ARMH4: variants seen among roughly 807,000 people sequenced by gnomAD.
ARMH4 encodes armadillo like helical domain containing 4.
ARMH4 carries 49 observed loss-of-function variants against 61.9 expected under a neutral mutation model. The ratio of observed to expected loss-of-function variants is 0.79; its 90% CI spans 0.63 to 1.00. The LOEUF (loss-of-function observed/expected upper bound fraction) is 1.00. Among genes scored for constraint, ARMH4 ranks in the 50% least tolerant of loss-of-function variants. The pLI, the probability that ARMH4 is intolerant of heterozygous loss-of-function variation, is 0.00. For missense variants in ARMH4, 934 were observed against 930.0 expected (o/e 1.00, Z -0.06); for synonymous variants, 368 against 341.5 (o/e 1.08, Z -0.85).
At chr14:58,075,622 G>A (rs979375072) in intron 5 of ARMH4, among the ~76,000 whole-genome samples, 1 of 152,108 alleles carries the variant, frequency 6.6e-6, no homozygotes, top group East Asian at 1.9e-4. Flanking sequence ...GACTAGGGGA[G>A]GGATAGCATT....
chr14:58,081,203 C>T (rs1885214500), intron 5 of ARMH4, among the ~76,000 whole-genome samples: 1 of 152,162 alleles, frequency 6.6e-6, no homozygotes, highest in East Asian at 1.9e-4. Context: ...GCCCCTTGCC[C>T]CTCAAAGCGT....
intron 5 of ARMH4, among the ~76,000 whole-genome samples, chr14:58,092,088 T>C (rs1384957543): frequency 6.6e-6 from 1 of 152,196 alleles, no homozygotes; most frequent in African/African-American, 2.4e-5. Context: ...GAGACTATAA[T>C]CTATTCCAAG....
At chr14:58,030,333 C>T (rs1883183439) in intron 5 of ARMH4, among the ~76,000 whole-genome samples, 2 of 152,320 alleles carry the variant, frequency 1.3e-5, no homozygotes, top group South Asian at 4.2e-4. Flanking sequence ...AGTCCTCTTA[C>T]TGAAACAATT....
chr14:58,133,304 C>T lies in ARMH4; in HGVS notation c.1407G>A (p.Glu469=). Residue 469 remains glutamate (E), a synonymous_variant, in exon 3 of 8, where the codon GAG becomes GAA. Transcript: ENST00000267485. ...ITQEMTTAVQ[E]PDATLSMVTQ... is the part of the protein sequence containing the mutation. ...TCACCATGGATAAAGTGGCATCTGGCTCTTGAACAGCTGTTGTCATCTCTT... is the reference window on the plus strand; with the variant it reads ...TCACCATGGATAAAGTGGCATCTGGTTCTTGAACAGCTGTTGTCATCTCTT... The T allele has an allele frequency of 6.2e-7, 1 of 1,613,722 alleles. No homozygotes were observed. Among genetic ancestry groups the T allele is most frequent in the Non-Finnish European group, 8.5e-7 (1 of 1,179,994 alleles).
chr14:58,096,742 G>C lies in ARMH4; in HGVS notation c.2071C>G (p.Gln691Glu), dbSNP rs754329587. ...CTCTTACCCAGGCCTTGATTCTGCT[G>C]TTCCCACTCGAGGGCATCTGGCACC... ...YQVPDALEWE[Q>E]QNQGLVRSWM... The change falls in exon 5 of 8, where the codon CAG becomes GAG. Residue 691 changes from glutamine to glutamate, a missense_variant. Transcript: ENST00000267485. 4 of 1,614,030 alleles carry C rather than the reference G, an allele frequency of 2.5e-6. No homozygotes were observed. Among genetic ancestry groups the C allele is most frequent in the Non-Finnish European group, 3.4e-6 (4 of 1,179,992 alleles).
At chr14:58,062,252 G>C (rs948233313) in intron 5 of ARMH4, among the ~76,000 whole-genome samples, 2 of 152,094 alleles carry the variant, frequency 1.3e-5, no homozygotes, top group African/African-American at 4.8e-5. Context: ...GAGGTAGGAG[G>C]AACACAAGCA....
intron 5 of ARMH4, among the ~76,000 whole-genome samples, chr14:58,044,870 G>A (rs1164400842): frequency 2.1e-4 from 32 of 152,112 alleles, no homozygotes; most frequent in Middle Eastern, 3.2e-3. Context: ...AATGCTCATC[G>A]TCACTGGCCA....
rs1227094450 is a variant in ARMH4 at position 58,004,013 on chromosome 14, C to T, written c.*723G>A. 6.6e-6 allele frequency: 1 copy of T among 152,152 alleles called. No homozygotes were observed. The highest frequency in any genetic ancestry group is 2.4e-5 in the African/African-American group (1 of 41,418). The allele number at this position is 152,152 out of a possible 1,614,324, so 9.4% of individuals were successfully genotyped here. ...ACATGTATGACATGTATGATTGAGT[C>T]TGTTGGACTCAATCACACTATTTAA... On this transcript the variant is annotated 3_prime_UTR_variant, in exon 8 of 8. Coordinates refer to ENST00000267485, the MANE Select transcript of ARMH4 (RefSeq NM_001001872.4).
chr14:58,018,699 T>C (rs146267645), intron 5 of ARMH4, among the ~76,000 whole-genome samples: 129 of 152,346 alleles, frequency 8.5e-4, no homozygotes, highest in African/African-American at 2.9e-3. Context: ...ACAGCCATTA[T>C]AGAAAACAGT....
At chr14:58,094,529 A>G (rs1283836245) in intron 5 of ARMH4, among the ~76,000 whole-genome samples, 1 of 152,142 alleles carries the variant, frequency 6.6e-6, no homozygotes, top group Non-Finnish European at 1.5e-5. Context: ...CATACAATTG[A>G]ATACTAGTCA....
chr14:58,047,055 C>T (rs1883968672), intron 5 of ARMH4, among the ~76,000 whole-genome samples: 1 of 152,152 alleles, frequency 6.6e-6, no homozygotes, highest in African/African-American at 2.4e-5. Flanking sequence ...ATTACATGTA[C>T]TGGAAGAGAC....
At chr14:58,133,044 AAG>A (rs772401630) in intron 3 of ARMH4, 44 bp downstream of exon 3, 1 of 1,605,464 alleles carries the variant, frequency 6.2e-7, no homozygotes, top group South Asian at 1.1e-5. Context: ...CACTTAACAG[AAG>A]AGATCCACCC....
chr14:58,134,681 G>C (rs890516407), intron 2 of ARMH4, among the ~76,000 whole-genome samples: 2 of 152,076 alleles, frequency 1.3e-5, no homozygotes, highest in Non-Finnish European at 2.9e-5. Flanking sequence ...GACAGGCCAG[G>C]CACGGTGGCT....
At position 58,047,376 on chromosome 14, in the gene ARMH4, T is replaced by C. The variant is rs79408262; in HGVS notation, c.2090-35226A>G. Among the ~76,000 whole-genome samples the C allele has an allele frequency of 2.0e-5, 3 of 152,208 alleles. No individual in the cohort carries two copies. The South Asian group carries it at 6.2e-4, about 32-fold the overall frequency. On this transcript the variant is annotated intron_variant, in intron 5 of 7. Coordinates refer to ENST00000267485, the MANE Select transcript of ARMH4 (RefSeq NM_001001872.4). ...CTTATTGCTGGCAGTCAGAGTTTAG[T>C]GAATGTGGATTTTAATGTCTTAGTA...
At chr14:58,121,952 AC>A (rs1260959456) in intron 4 of ARMH4, among the ~76,000 whole-genome samples, 1 of 152,194 alleles carries the variant, frequency 6.6e-6, no homozygotes. Context: ...GGGGAGAAAG[AC>A]CCAGCATTGA....
intron 4 of ARMH4, among the ~76,000 whole-genome samples, chr14:58,097,737 G>T (rs1258861085): frequency 4.1e-5 from 6 of 148,070 alleles, no homozygotes; most frequent in African/African-American, 1.5e-4. Context: ...ACGGAGTCTT[G>T]CTCTGTCACC....
chr14:58,045,223 T>C (rs1277546179), intron 5 of ARMH4, among the ~76,000 whole-genome samples: 1 of 152,120 alleles, frequency 6.6e-6, no homozygotes, highest in Non-Finnish European at 1.5e-5. Context: ...AAATGTCCAA[T>C]AATGATAGAC....
chr14:58,117,027 C>T (rs769881380), intron 4 of ARMH4, among the ~76,000 whole-genome samples: 1 of 152,182 alleles, frequency 6.6e-6, no homozygotes, highest in Non-Finnish European at 1.5e-5. Context: ...CCACAGCTCA[C>T]TGCAGTCTTG....
intron 5 of ARMH4, among the ~76,000 whole-genome samples, chr14:58,017,839 A>C (rs553079821): frequency 6.6e-5 from 10 of 152,294 alleles, no homozygotes; most frequent in South Asian, 2.1e-4. Context: ...ACAACAACAA[A>C]AAAAAACAAA....
Sources: gnomAD v4.1 joint callset for allele counts (sites outside exome capture counted in the v4.1 genomes callset) on GRCh38, gnomAD v4.1.1 for gene constraint, MANE v1.5 for transcripts, NCBI Gene and HGNC (gene_info 2026-07-23, HGNC 2026-07-21) for gene names.